Variants in ARID2 observed in about 807,000 individuals in gnomAD.
ARID2 encodes the protein AT-rich interaction domain 2, also known as AT-rich interactive domain-containing protein 2.
Under a neutral mutation model 184.6 loss-of-function variants are expected in ARID2, and 32 were observed. That is an observed-to-expected ratio of 0.17 (90% CI 0.13 to 0.23). ARID2 has a LOEUF of 0.23. Ranked by LOEUF, ARID2 falls within the 10% of genes least tolerant of loss-of-function variation. The pLI is 1.00. For synonymous variants in ARID2, 836 were observed against 772.6 expected (o/e 1.08, Z -1.36); for missense variants, 1,696 against 2,197.6 (o/e 0.77, Z 4.56).
At position 45,852,170 on chromosome 12, in the gene ARID2, C is replaced by T; in HGVS notation, c.4047C>T (p.Ile1349=). The change falls in exon 15 of 21, where the codon ATC becomes ATT. Residue 1349 remains isoleucine (I), a synonymous_variant. Transcript: ENST00000334344. ...CAGAACAAATAGACATGCAAGATAT[C>T]AAAAGTGATTTGAGAAAACCGCTAG... ...QNSEQIDMQD[I]KSDLRKPLVN... 6.2e-7 allele frequency: 1 copy of T among 1,614,012 alleles called. No individual in the cohort carries two copies. The highest frequency in any genetic ancestry group is 8.5e-7 in the Non-Finnish European group (1 of 1,179,980).
chr12:45,849,898 G>A (rs1943510927), intron 14 of ARID2, 122 bp downstream of exon 14: 1 of 1,397,086 alleles, frequency 7.2e-7, no homozygotes, highest in South Asian at 1.5e-5. Flanking sequence ...TTTCTTACTT[G>A]GTCTATTACC....
chr12:45,734,001 G>A (rs144884414), intron 3 of ARID2, among the ~76,000 whole-genome samples: 174 of 152,220 alleles, frequency 1.1e-3, no homozygotes, highest in Non-Finnish European at 1.6e-3. Flanking sequence ...ATATATACAC[G>A]TACTGTGTAC....
At position 45,739,383 on chromosome 12, in the gene ARID2, G is replaced by C. The variant is rs78559355; in HGVS notation, c.284+8069G>C. Among the ~76,000 whole-genome samples, 1,101 of 139,916 alleles carry C rather than the reference G, an allele frequency of 7.9e-3. 7 individuals carry two copies. Among genetic ancestry groups the C allele is most frequent in the Non-Finnish European group, 0.011 (742 of 65,254 alleles). 91.8% of individuals were successfully genotyped at this position (139,916 alleles called of 152,430 possible). ...TTCCAGGTGTGCTTGGCTTTTATTTGTATCAGTAAATAATTTTTAAAACTA... is the reference window on the plus strand; with the variant it reads ...TTCCAGGTGTGCTTGGCTTTTATTTCTATCAGTAAATAATTTTTAAAACTA... On this transcript the variant is annotated intron_variant, in intron 3 of 20. Transcript: ENST00000334344.
intron 3 of ARID2, among the ~76,000 whole-genome samples, chr12:45,731,719 C>A (rs1370180184): frequency 1.3e-5 from 2 of 151,282 alleles, no homozygotes; most frequent in Non-Finnish European, 3.0e-5. Context: ...TTTAAAAATT[C>A]TGGCTTTAAG....
chr12:45,755,539 A>G (rs1941551680), intron 3 of ARID2, among the ~76,000 whole-genome samples: 1 of 152,244 alleles, frequency 6.6e-6, no homozygotes, highest in African/African-American at 2.4e-5. Flanking sequence ...TGATTTACAG[A>G]AGAACAGGTT....
chr12:45,858,778 C>G (rs1307028032), intron 15 of ARID2, among the ~76,000 whole-genome samples: 1 of 152,142 alleles, frequency 6.6e-6, no homozygotes, highest in Non-Finnish European at 1.5e-5. Context: ...AGTGTGAGTC[C>G]TGATCTGTCA....
rs946245092 is a variant in ARID2 at position 45,752,002 on chromosome 12, T to G, written c.284+20688T>G. 1.9e-4 allele frequency among the ~76,000 whole-genome samples: 29 copies of G among 152,224 alleles called. 2 individuals carry two copies. The highest frequency in any genetic ancestry group is 5.9e-5 in the Non-Finnish European group (4 of 68,036). On this transcript the variant is annotated intron_variant, in intron 3 of 20. Coordinates refer to ENST00000334344, the MANE Select transcript of ARID2 (RefSeq NM_152641.4). ...ATATTTTAGATATATTTCTAAAGTT[T>G]CAAATATAAAACTTTGAGGACTTTA...
chr12:45,844,633 CAAT>C (rs1943410271), intron 11 of ARID2, among the ~76,000 whole-genome samples: 1 of 152,138 alleles, frequency 6.6e-6, no homozygotes, highest in African/African-American at 2.4e-5. Context: ...TACACTATAA[CAAT>C]AATAATAGTA....
rs924759001 is a variant in ARID2 at position 45,899,703 on chromosome 12, A to G, written c.5364-5231A>G. ...TGGTTATATATATATGGTTATATAT[A>G]TATATGGTTATATATATATGGTTAT... On this transcript the variant is annotated intron_variant, in intron 20 of 20. Coordinates refer to ENST00000334344, the MANE Select transcript of ARID2 (RefSeq NM_152641.4). 1.2e-4 allele frequency among the ~76,000 whole-genome samples: 17 copies of G among 140,718 alleles called. 2 individuals carry two copies. Among genetic ancestry groups the G allele is most frequent in the Admixed American group, 2.1e-4 (3 of 14,252 alleles). The allele number at this position is 140,718 out of a possible 152,430, so 92.3% of individuals were successfully genotyped here.
At chr12:45,884,041 A>G (rs2138221136) in intron 16 of ARID2, among the ~76,000 whole-genome samples, 1 of 152,278 alleles carries the variant, frequency 6.6e-6, no homozygotes, top group East Asian at 1.9e-4. Context: ...TTAAAACCAC[A>G]CAGATATACA....
At chr12:45,873,494 T>A (rs576060694) in intron 16 of ARID2, among the ~76,000 whole-genome samples, 41 of 152,350 alleles carry the variant, frequency 2.7e-4, no homozygotes, top group South Asian at 8.3e-4. Context: ...ATCATATTTC[T>A]TTAACTTTTT....
intron 20 of ARID2, among the ~76,000 whole-genome samples, chr12:45,894,238 C>T (rs1035336032): frequency 1.3e-5 from 2 of 152,180 alleles, no homozygotes; most frequent in Admixed American, 6.5e-5. Context: ...CTCATTAATT[C>T]GTGAGAGAGC....
Position 45,836,622 on chromosome 12 carries a change from C to A in ARID2, c.739C>A (p.Arg247Ser). 1 of 1,610,882 alleles carries A rather than the reference C, an allele frequency of 6.2e-7. No individual in the cohort carries two copies. The highest frequency in any genetic ancestry group is 1.3e-5 in the African/African-American group (1 of 74,912). The stretch of plus-strand genomic sequence containing the variant: ...AGACATCGTTGATGATAATGAAGTT[C>A]GTGACCTCATTTCTGACAGAAACAA... ...WKDIVDDNEV[R>S]DLISDRNKSH... The change falls in exon 7 of 21, where the codon CGT becomes AGT. Residue 247 changes from arginine (R) to serine (S), a missense_variant. Physicochemically the swap from Arg to Ser is moderately radical, Grantham distance 110 (BLOSUM62 -1). Around this residue, in one of 11 missense-constraint regions of ARID2, gnomAD observed 148 missense variants for 285.4 expected, o/e 0.52. Coordinates refer to ENST00000334344, the MANE Select transcript of ARID2 (RefSeq NM_152641.4).
intron 20 of ARID2, among the ~76,000 whole-genome samples, chr12:45,899,713 ATATATATATGGT>A (rs1280718095): frequency 7.0e-4 from 97 of 139,532 alleles, no homozygotes; most frequent in Non-Finnish European, 9.1e-4. Flanking sequence ...ATATATGGTT[ATATATATATGGT>A]TATATATATA....
At chr12:45,887,044 CATT>C (rs1944203399) in intron 16 of ARID2, among the ~76,000 whole-genome samples, 1 of 152,192 alleles carries the variant, frequency 6.6e-6, no homozygotes, top group Non-Finnish European at 1.5e-5. Context: ...AATGGGTTTT[CATT>C]TCAGGAAATT....
chr12:45,811,635 C>G (rs2138083490), intron 4 of ARID2, 84 bp downstream of exon 4: 1 of 1,445,854 alleles, frequency 6.9e-7, no homozygotes, highest in East Asian at 2.4e-5. Context: ...TTAGTCCCTT[C>G]CTTTGCACAT....
At chr12:45,899,713 ATATATATATGGTTATATATATATGGTTT>A (rs1565644972) in intron 20 of ARID2, among the ~76,000 whole-genome samples, 64 of 139,750 alleles carry the variant, frequency 4.6e-4, no homozygotes, top group Non-Finnish European at 7.1e-4. Flanking sequence ...ATATATGGTT[ATATATATATGGTTATATATATATGGTTT>A]TATATATATA....
At chr12:45,870,249 A>C (rs1249716250) in intron 16 of ARID2, among the ~76,000 whole-genome samples, 12 of 152,078 alleles carry the variant, frequency 7.9e-5, no homozygotes, top group Non-Finnish European at 4.4e-5. Flanking sequence ...CGGCCTCCCA[A>C]AGTGCTGGGA....
At chr12:45,819,951 C>G (rs1474887051) in intron 5 of ARID2, among the ~76,000 whole-genome samples, 1 of 152,012 alleles carries the variant, frequency 6.6e-6, no homozygotes, top group Non-Finnish European at 1.5e-5. Context: ...CTCATGTTGG[C>G]CAGGCCAATC....
Sources: allele counts gnomAD v4.1 joint callset (sites outside exome capture counted in the v4.1 genomes callset), GRCh38; gene constraint gnomAD v4.1.1; regional missense constraint gnomAD v4.1.1; transcripts MANE v1.5; gene names NCBI Gene and HGNC (gene_info 2026-07-23, HGNC 2026-07-21).